MTMR2: variants seen among roughly 807,000 people sequenced by gnomAD.
The protein encoded by MTMR2 is phosphatidylinositol-3,5-bisphosphate 3-phosphatase MTMR2.
Under a neutral mutation model 86.9 loss-of-function variants are expected in MTMR2, and 55 were observed. The ratio of observed to expected loss-of-function variants is 0.63; its 90% CI spans 0.51 to 0.79. MTMR2 has a LOEUF of 0.79. Among genes scored for constraint, MTMR2 ranks in the 30% least tolerant of loss-of-function variants. MTMR2 has a pLI of 0.00. For synonymous variants in MTMR2, 241 were observed against 266.8 expected, an observed-to-expected ratio of 0.90 and a Z score of 0.94; for missense variants, 659 against 772.3, an observed-to-expected ratio of 0.85 and a Z score of 1.74.
Position 95,833,450 on chromosome 11 carries a change from CA to C in MTMR2, c.*1839del, listed in dbSNP as rs1863113222. The C allele has an allele frequency of 6.6e-6, 1 of 152,074 alleles. No homozygotes were observed. Among genetic ancestry groups the C allele is most frequent in the African/African-American group, 2.4e-5 (1 of 41,420 alleles). 9.4% of individuals were successfully genotyped at this position (152,074 alleles called of 1,614,324 possible). On this transcript the variant is annotated 3_prime_UTR_variant, in exon 15 of 15. Transcript: ENST00000346299. Reference sequence around the variant, plus strand: ...GCTAGTATTCCTCCTCCCTCCCTCCCACACACACCAGTGGTATATATTAAAT... The same window carrying C: ...GCTAGTATTCCTCCTCCCTCCCTCCCCACACACCAGTGGTATATATTAAAT...
chr11:95,836,665 G>A (rs1438025644), intron 13 of MTMR2, among the ~76,000 whole-genome samples: 2 of 151,722 alleles, frequency 1.3e-5, no homozygotes, highest in African/African-American at 4.8e-5. Flanking sequence ...ACTGACGAAT[G>A]GATAAGTAAA....
At chr11:95,864,040 G>C (rs1457533785) in intron 3 of MTMR2, among the ~76,000 whole-genome samples, 3 of 152,148 alleles carry the variant, frequency 2.0e-5, no homozygotes, top group Non-Finnish European at 4.4e-5. Flanking sequence ...AACTGAGAGA[G>C]AGAATGCAAG....
At chr11:95,871,367 T>C (rs112409751) in intron 2 of MTMR2, among the ~76,000 whole-genome samples, 21,615 of 152,112 alleles carry the variant, frequency 0.14, 2,106 homozygotes, top group African/African-American at 0.27. Flanking sequence ...AGTGTAAAAG[T>C]GTTCCTATTT....
chr11:95,916,677 A>C (rs1487099232), intron 1 of MTMR2, among the ~76,000 whole-genome samples: 1 of 152,210 alleles, frequency 6.6e-6, no homozygotes, highest in Non-Finnish European at 1.5e-5. Context: ...GAATTTTCCA[A>C]ATAACAGTGT....
At chr11:95,914,716 C>A (rs1396865892) in intron 1 of MTMR2, among the ~76,000 whole-genome samples, 2 of 152,102 alleles carry the variant, frequency 1.3e-5, no homozygotes, top group Non-Finnish European at 2.9e-5. Context: ...TTATCACTAC[C>A]ACCCAATCAA....
In MTMR2 at chr11:95,877,102, A is replaced by G. The variant is rs554200864; in HGVS notation, c.186+11054T>C. Among the ~76,000 whole-genome samples, 5 of 152,366 alleles carry G rather than the reference A, an allele frequency of 3.3e-5. 1 individual carries two copies. In the South Asian group the frequency reaches 1.0e-3, roughly 32 times the overall value. On this transcript the variant is annotated intron_variant, in intron 2 of 14. Transcript: ENST00000346299. ...GTACTAAAACCCAGAAGAGAAAAAA[A>G]GGATTTTCTTAGTAACTTATTTTTT...
intron 1 of MTMR2, among the ~76,000 whole-genome samples, chr11:95,916,795 T>C (rs1240706231): frequency 2.6e-5 from 4 of 152,204 alleles, no homozygotes; most frequent in Non-Finnish European, 4.4e-5. Context: ...GCCCAAGAGT[T>C]ATTCACACAA....
rs1387634196 is a variant in MTMR2, at chr11:95,874,111, C to G, written c.187-8435G>C. Among the ~76,000 whole-genome samples, 4 of 152,280 alleles carry G rather than the reference C, an allele frequency of 2.6e-5. No individual in the cohort carries two copies. The East Asian group carries it at 7.7e-4, about 29-fold the overall frequency. On this transcript the variant is annotated intron_variant, in intron 2 of 14. Coordinates refer to ENST00000346299, the MANE Select transcript of MTMR2 (RefSeq NM_016156.6). Reference sequence around the variant, plus strand: ...AGAGTTCTGTAGATGTCTATTAGGTCTGCTTGGTGCAGAGCTGAGTTCAAT... The same window carrying G: ...AGAGTTCTGTAGATGTCTATTAGGTGTGCTTGGTGCAGAGCTGAGTTCAAT...
intron 1 of MTMR2, among the ~76,000 whole-genome samples, chr11:95,916,141 T>C (rs1427139156): frequency 3.3e-5 from 5 of 152,154 alleles, no homozygotes. Context: ...AGTGAAATAT[T>C]GCAGACTTTA....
At chr11:95,862,745 A>C (rs142932304) in intron 3 of MTMR2, among the ~76,000 whole-genome samples, 6 of 152,148 alleles carry the variant, frequency 3.9e-5, no homozygotes, top group Non-Finnish European at 7.4e-5. Flanking sequence ...CCATCATCTC[A>C]TTGCAGTTTC....
At chr11:95,841,827 G>A in intron 11 of MTMR2, 118 bp from the exon 12 acceptor site, 1 of 781,604 alleles carries the variant, frequency 1.3e-6, no homozygotes, top group Non-Finnish European at 2.2e-6. Context: ...CGGGTGCTGT[G>A]GTTTACACCT....
intron 1 of MTMR2, among the ~76,000 whole-genome samples, chr11:95,900,626 CA>C (rs1358449497): frequency 7.3e-6 from 1 of 137,550 alleles, no homozygotes; most frequent in East Asian, 2.1e-4. Flanking sequence ...TTGTAGATAA[CA>C]TTTTTTTTTT....
At chr11:95,893,177 T>G (rs1381395190) in intron 1 of MTMR2, among the ~76,000 whole-genome samples, 1 of 152,156 alleles carries the variant, frequency 6.6e-6, no homozygotes, top group Non-Finnish European at 1.5e-5. Flanking sequence ...TATGGGAATT[T>G]TATTATCCAT....
chr11:95,890,218 T>C (rs1286359535), intron 1 of MTMR2, among the ~76,000 whole-genome samples: 1 of 152,238 alleles, frequency 6.6e-6, no homozygotes, highest in Admixed American at 6.5e-5. Context: ...AGTTTTATAA[T>C]GTAAGGAAAG....
At position 95,835,436 on chromosome 11, in the gene MTMR2, T is replaced by C; in HGVS notation, c.1786A>G (p.Arg596Gly). The change falls in exon 15 of 15, where the codon AGA (arginine) becomes GGA (glycine). Residue 596 changes from arginine to glycine, a missense_variant. Around this residue, in one of 3 missense-constraint regions of MTMR2, gnomAD observed 193 missense variants for 191.6 expected, o/e 1.01. Coordinates refer to ENST00000346299, the MANE Select transcript of MTMR2 (RefSeq NM_016156.6). ...CGTTTAGCAAGAAGTTCTTTGTATC[T>C]GTTGTGAATAGGTTCCTGCAAGAGC... Reference protein sequence around the residue: ...RMKPQEPIHNRYKELLAKRAE... With the variant: ...RMKPQEPIHNGYKELLAKRAE... The C allele has an allele frequency of 6.2e-7, 1 of 1,612,764 alleles. No individual in the cohort carries two copies.
chr11:95,866,484 G>GAA (rs1297784819), intron 2 of MTMR2: 2 of 151,824 alleles, frequency 1.3e-5, no homozygotes, highest in Admixed American at 1.3e-4. Flanking sequence ...CAATAACTAA[G>GAA]AACTACAAAG....
At chr11:95,836,588 T>C (rs1213309713) in intron 13 of MTMR2, among the ~76,000 whole-genome samples, 1 of 152,018 alleles carries the variant, frequency 6.6e-6, no homozygotes, top group Non-Finnish European at 1.5e-5. Flanking sequence ...AAAAACTTTT[T>C]TATAGATGTT....
chr11:95,851,203 C>T (rs982141128), intron 7 of MTMR2, among the ~76,000 whole-genome samples: 4 of 151,422 alleles, frequency 2.6e-5, no homozygotes, highest in Admixed American at 2.0e-4. Flanking sequence ...GCTGGGACTA[C>T]AGCCGTACGC....
intron 7 of MTMR2, among the ~76,000 whole-genome samples, chr11:95,851,651 G>C (rs529956704): frequency 2.0e-5 from 3 of 152,300 alleles, no homozygotes; most frequent in African/African-American, 7.2e-5. Flanking sequence ...AGTTTGACTG[G>C]ATGATTGACT....
Sources: gnomAD v4.1 joint callset for allele counts (sites outside exome capture counted in the v4.1 genomes callset) on GRCh38, gnomAD v4.1.1 for gene constraint, gnomAD v4.1.1 regional missense constraint, MANE v1.5 for transcripts, NCBI Gene and HGNC (gene_info 2026-07-23, HGNC 2026-07-21) for gene names.